Variants in FAM184B observed in about 807,000 individuals in gnomAD.
The protein encoded by FAM184B is family with sequence similarity 184 member B.
A neutral mutation model predicts 135.9 loss-of-function variants in FAM184B; 111 were observed. The observed-to-expected ratio is 0.82, with a 90% CI of 0.70 to 0.96. The LOEUF (loss-of-function observed/expected upper bound fraction) is 0.96, where lower values mean the gene tolerates loss of function less well. Among genes scored for constraint, FAM184B ranks in the 40% least tolerant of loss-of-function variants. The pLI, the probability that FAM184B is intolerant of heterozygous loss-of-function variation, is 0.00. For synonymous variants in FAM184B, 552 were observed against 524.8 expected (o/e 1.05, Z -0.71); for missense variants, 1,375 against 1,323.9 (o/e 1.04, Z -0.60).
chr4:17,685,111 T>G (rs1240171646), intron 7 of FAM184B, among the ~76,000 whole-genome samples: 1 of 149,502 alleles, frequency 6.7e-6, no homozygotes, highest in African/African-American at 2.5e-5. Context: ...AAGACCTAAG[T>G]GATGGGTTGA....
Position 17,781,577 on chromosome 4 carries a change from G to T in FAM184B, c.-278C>A. On this transcript the variant is annotated 5_prime_UTR_variant, in exon 1 of 18. Coordinates refer to ENST00000265018, the MANE Select transcript of FAM184B (RefSeq NM_015688.2). This position sits in a 1 kb window ranked among gnomAD's most constrained non-coding sequence, Gnocchi z 6.5. ...GAGGCGTCGGCGCCCCGCACGTGCC[G>T]CTGGCGATCAGTCTGCAGTTCCCCA... 5.1e-6 allele frequency: 2 copies of T among 395,450 alleles called. No individual in the cohort carries two copies. Among genetic ancestry groups the T allele is most frequent in the South Asian group, 4.1e-5 (1 of 24,408 alleles). The allele number at this position is 395,450 out of a possible 1,614,324, so 24.5% of individuals were successfully genotyped here. A position where few individuals can be genotyped will look rare whatever the true frequency, so the allele number is the denominator to read the frequency against.
intron 7 of FAM184B, among the ~76,000 whole-genome samples, chr4:17,683,253 A>C (rs1342683426): frequency 6.6e-6 from 1 of 152,210 alleles, no homozygotes; most frequent in Non-Finnish European, 1.5e-5. Flanking sequence ...AGAGCAGAAC[A>C]ACCTCAGTGA....
chr4:17,733,136 A>G (rs1056688311), intron 1 of FAM184B, among the ~76,000 whole-genome samples: 4 of 151,882 alleles, frequency 2.6e-5, no homozygotes, highest in African/African-American at 4.8e-5. Flanking sequence ...AAATTCAACA[A>G]CCCTTCATGC....
At chr4:17,778,058 G>C (rs1319213582) in intron 1 of FAM184B, among the ~76,000 whole-genome samples, 1 of 151,058 alleles carries the variant, frequency 6.6e-6, no homozygotes, top group African/African-American at 2.4e-5. Context: ...GTGACGTAGT[G>C]AGACACTGTC....
At chr4:17,727,810 G>A (rs978373050) in intron 1 of FAM184B, among the ~76,000 whole-genome samples, 22 of 152,054 alleles carry the variant, frequency 1.4e-4, no homozygotes, top group African/African-American at 4.8e-4. Flanking sequence ...ACACAGAGCC[G>A]AACCATATCA....
At chr4:17,664,680 G>GAAAA in intron 7 of FAM184B, 21 bp from the exon 8 acceptor site, 4 of 1,076,150 alleles carry the variant, frequency 3.7e-6, no homozygotes, top group Non-Finnish European at 3.8e-6. Context: ...AAAAGAAAAA[G>GAAAA]AAAAAAAAAA....
At chr4:17,657,670 T>TTTG (rs1715808071) in intron 10 of FAM184B, among the ~76,000 whole-genome samples, 2 of 149,750 alleles carry the variant, frequency 1.3e-5, no homozygotes, top group Admixed American at 6.7e-5. Flanking sequence ...TTTTTTTTTT[T>TTTG]TTTTGAGACA....
At chr4:17,779,673 C>T (rs1314063842) in intron 1 of FAM184B, among the ~76,000 whole-genome samples, 1 of 152,194 alleles carries the variant, frequency 6.6e-6, no homozygotes, top group Non-Finnish European at 1.5e-5. Flanking sequence ...TAAGTCCACA[C>T]TGAATTCAAG....
In FAM184B at chr4:17,708,913, C is replaced by T. The variant is rs962641094; in HGVS notation, c.873G>A (p.Gln291=). ...TTACCTGAATCCTCTCCTTCAGCTTCTGGGCGTACTTCTTCAGGTCACTTA... is the reference window on the plus strand; with the variant it reads ...TTACCTGAATCCTCTCCTTCAGCTTTTGGGCGTACTTCTTCAGGTCACTTA... ...RKISDLKKYA[Q]KLKERIQDLD... Residue 291 remains glutamine (Q), a synonymous_variant, in exon 2 of 18, where the codon CAG becomes CAA. Coordinates refer to ENST00000265018, the MANE Select transcript of FAM184B (RefSeq NM_015688.2). 12 of 1,525,462 alleles carry T rather than the reference C, an allele frequency of 7.9e-6. No homozygotes were observed. Among genetic ancestry groups the T allele is most frequent in the Middle Eastern group, 1.7e-4 (1 of 5,864 alleles). 94.5% of individuals were successfully genotyped at this position (1,525,462 alleles called of 1,614,324 possible). A position where few individuals can be genotyped will look rare whatever the true frequency, so the allele number is the denominator to read the frequency against.
chr4:17,662,728 T>TAAAGTGATTTACCA (rs1443969261), intron 8 of FAM184B, among the ~76,000 whole-genome samples: 4 of 152,240 alleles, frequency 2.6e-5, no homozygotes, highest in Non-Finnish European at 5.9e-5. Flanking sequence ...AATAGTTTTC[T>TAAAGTGATTTACCA]AAAGTGATTT....
rs565087524 is a variant in FAM184B at position 17,740,296 on chromosome 4, G to T, written c.142-30652C>A. Among the ~76,000 whole-genome samples the T allele has an allele frequency of 2.9e-5, 4 of 139,320 alleles. No individual in the cohort carries two copies. In the East Asian group the frequency reaches 6.6e-4, roughly 23 times the overall value. 91.4% of individuals were successfully genotyped at this position (139,320 alleles called of 152,430 possible). ...GAACTGGGGAGGCAGAGGTTGCAGT[G>T]AGCTGAGATCACGCTACTGCACTCC... is the stretch of plus-strand genomic sequence containing the variant. On this transcript the variant is annotated intron_variant, in intron 1 of 17. Transcript: ENST00000265018.
chr4:17,657,249 C>T (rs1425338619), intron 10 of FAM184B, among the ~76,000 whole-genome samples: 1 of 152,204 alleles, frequency 6.6e-6, no homozygotes, highest in Non-Finnish European at 1.5e-5. Flanking sequence ...GTGCAATTTT[C>T]CACATGGCCA....
chr4:17,659,390 AACC>A (rs1455455200), intron 9 of FAM184B, among the ~76,000 whole-genome samples: 1 of 151,214 alleles, frequency 6.6e-6, no homozygotes, highest in Non-Finnish European at 1.5e-5. Context: ...TACAGGTGTG[AACC>A]ACCACACCTG....
intron 1 of FAM184B, among the ~76,000 whole-genome samples, chr4:17,742,126 AT>A (rs1718055255): frequency 7.8e-6 from 1 of 128,956 alleles, no homozygotes; most frequent in Non-Finnish European, 1.6e-5. Context: ...ATACATATAC[AT>A]ATACATATGA....
chr4:17,637,709 C>T (rs1011458761), intron 14 of FAM184B, among the ~76,000 whole-genome samples: 1 of 152,186 alleles, frequency 6.6e-6, no homozygotes, highest in Non-Finnish European at 1.5e-5. Flanking sequence ...AAAGGTCAGA[C>T]AGGTGACATT....
chr4:17,747,751 C>G (rs1718198847), intron 1 of FAM184B, among the ~76,000 whole-genome samples: 1 of 151,668 alleles, frequency 6.6e-6, no homozygotes, highest in Admixed American at 6.6e-5. Flanking sequence ...GAAACCCCGT[C>G]TCTACTAAAA....
rs1375678420 is a variant in FAM184B at position 17,666,471 on chromosome 4, TTTTTTTTTTTTTTTTTTTTTTTTGGTA to T, written c.1597-1839_1597-1813del. 2.4e-4 allele frequency among the ~76,000 whole-genome samples: 31 copies of T among 130,188 alleles called. 1 individual carries two copies. The highest frequency in any genetic ancestry group is 1.2e-3 in the Admixed American group (15 of 12,596). 85.4% of individuals were successfully genotyped at this position (130,188 alleles called of 152,430 possible). ...GGTGCATGCCACTGTGCCTGGTTCT[TTTTTTTTTTTTTTTTTTTTTTTTGGTA>T]TTTTTAGTAGAGACGGGGTTTCACC... On this transcript the variant is annotated intron_variant, in intron 7 of 17. Coordinates refer to ENST00000265018, the MANE Select transcript of FAM184B (RefSeq NM_015688.2).
chr4:17,768,167 T>G (rs545360715), intron 1 of FAM184B, among the ~76,000 whole-genome samples: 1 of 152,254 alleles, frequency 6.6e-6, no homozygotes, highest in Non-Finnish European at 1.5e-5. Flanking sequence ...TTCAAATTAT[T>G]TCTTCAAAGA....
intron 9 of FAM184B, 44 bp downstream of exon 9, chr4:17,659,914 C>A (rs771871944): frequency 1.3e-6 from 2 of 1,545,316 alleles, no homozygotes; most frequent in Non-Finnish European, 1.7e-6. Flanking sequence ...AAGGAGGGGG[C>A]AGGATCTCAG....
Sources: allele counts gnomAD v4.1 joint callset (sites outside exome capture counted in the v4.1 genomes callset), GRCh38; gene constraint gnomAD v4.1.1; non-coding constraint Gnocchi (gnomAD v3.1); transcripts MANE v1.5; gene names NCBI Gene and HGNC (gene_info 2026-07-23, HGNC 2026-07-21).